IL17B: variants seen among roughly 807,000 people sequenced by gnomAD.
IL17B encodes interleukin-17B.
In IL17B, 14 loss-of-function variants were observed where a neutral mutation model predicts 14.7. The observed-to-expected ratio is 0.95, with a 90% CI of 0.63 to 1.49. IL17B has a LOEUF of 1.49. IL17B is among the 40% of genes most tolerant of loss of function. The pLI is 0.00. For synonymous variants in IL17B, 105 were observed against 94.8 expected (o/e 1.11, Z -0.62); for missense variants, 233 against 252.8 (o/e 0.92, Z 0.53).
intron 1 of IL17B, among the ~76,000 whole-genome samples, chr5:149,393,170 A>G (rs1237287117): frequency 6.6e-6 from 1 of 152,236 alleles, no homozygotes; most frequent in East Asian, 1.9e-4. Context: ...AATGTCACCC[A>G]GAAAGTCATC....
chr5:149,377,150 C>A, intron 1 of IL17B, 125 bp from the exon 2 acceptor site: 1 of 735,792 alleles, frequency 1.4e-6, no homozygotes, highest in Non-Finnish European at 2.2e-6. Flanking sequence ...ACTCTGCCTA[C>A]CATCCCCCAG....
At chr5:149,393,443 T>C (rs979404796) in intron 1 of IL17B, among the ~76,000 whole-genome samples, 11 of 152,328 alleles carry the variant, frequency 7.2e-5, no homozygotes, top group Admixed American at 7.2e-4. Context: ...TCTTCATCTC[T>C]AGAGCCCCAG....
intron 1 of IL17B, among the ~76,000 whole-genome samples, chr5:149,388,716 G>A (rs1758877565): frequency 6.6e-6 from 1 of 152,208 alleles, no homozygotes; most frequent in African/African-American, 2.4e-5. Context: ...AGCCTGTGCA[G>A]GCTAGCAGGG....
At chr5:149,393,020 TGTGTGTGGGC>T (rs1454414865) in intron 1 of IL17B, among the ~76,000 whole-genome samples, 7 of 151,302 alleles carry the variant, frequency 4.6e-5, no homozygotes, top group African/African-American at 1.7e-4. Context: ...CATGTCTGCG[TGTGTGTGGGC>T]GTGTGTGTGC....
At chr5:149,384,353 C>G (rs1758775798) in intron 1 of IL17B, among the ~76,000 whole-genome samples, 1 of 152,088 alleles carries the variant, frequency 6.6e-6, no homozygotes, top group South Asian at 2.1e-4. Flanking sequence ...TTATTGTTTG[C>G]CTGGCACATA....
rs141557627 is a variant in IL17B, at chr5:149,403,819, T to C, written n.95+289A>G. 8.3e-3 allele frequency among the ~76,000 whole-genome samples: 1,267 copies of C among 152,326 alleles called. 13 individuals carry two copies. Among genetic ancestry groups the C allele is most frequent in the African/African-American group, 0.029 (1,195 of 41,560 alleles). ...CAAGACAGCTTGTTAGCCCACTTCA[T>C]CCTTGGTTAGTTCCACTGGCTTAAA... On this transcript the variant is annotated intron_variant and non_coding_transcript_variant, in intron 1 of 2. Transcript: ENST00000505432.
At chr5:149,386,761 G>A (rs1022272065) in intron 1 of IL17B, among the ~76,000 whole-genome samples, 1 of 152,100 alleles carries the variant, frequency 6.6e-6, no homozygotes, top group Non-Finnish European at 1.5e-5. Context: ...TGGAGTGCAC[G>A]GTGGTGCAAT....
chr5:149,403,835 C>T (rs960636753), intron 1 of IL17B, among the ~76,000 whole-genome samples: 1 of 152,200 alleles, frequency 6.6e-6, no homozygotes, highest in Non-Finnish European at 1.5e-5. Flanking sequence ...GTTAGTTCCA[C>T]TGGCTTAAAA....
chr5:149,390,223 C>T (rs889788641), intron 1 of IL17B, among the ~76,000 whole-genome samples: 1 of 147,046 alleles, frequency 6.8e-6, no homozygotes, highest in Admixed American at 6.7e-5. Context: ...AGTGACCCCC[C>T]CCCTCCCTGT....
rs926877779 is a variant in IL17B at position 149,374,297 on chromosome 5, T to C, written c.*72A>G. Reference sequence around the variant, plus strand: ...TTCAAAAGTCAGTGTTTACTTTTCATAGGCCTTTCTTGGCACAAAGGTGCA... The same window carrying C: ...TTCAAAAGTCAGTGTTTACTTTTCACAGGCCTTTCTTGGCACAAAGGTGCA... On this transcript the variant is annotated 3_prime_UTR_variant, in exon 3 of 3. Coordinates refer to ENST00000261796, the MANE Select transcript of IL17B (RefSeq NM_014443.3). The surrounding 1 kb of genome is among the most constrained non-coding windows in gnomAD (Gnocchi z 5.0). 7.2e-6 allele frequency: 10 copies of C among 1,394,040 alleles called. No individual in the cohort carries two copies. The highest frequency in any genetic ancestry group is 9.6e-6 in the Non-Finnish European group (10 of 1,041,966). 86.4% of individuals were successfully genotyped at this position (1,394,040 alleles called of 1,614,324 possible). A position where few individuals can be genotyped will look rare whatever the true frequency, so the allele number is the denominator to read the frequency against.
At chr5:149,379,624 G>A (rs995476115), upstream of IL17B, among the ~76,000 whole-genome samples, 2 of 152,242 alleles carry the variant, frequency 1.3e-5, no homozygotes, top group South Asian at 4.1e-4. Flanking sequence ...GTTGAGGGTG[G>A]AGGAGGGATG....
intron 1 of IL17B, among the ~76,000 whole-genome samples, chr5:149,391,048 G>A (rs1191980148): frequency 6.6e-6 from 1 of 152,066 alleles, no homozygotes; most frequent in Non-Finnish European, 1.5e-5. Flanking sequence ...TCAGCTCACT[G>A]CAATCTCCAC....
At chr5:149,400,738 G>C (rs561787298) in intron 1 of IL17B, among the ~76,000 whole-genome samples, 32 of 152,356 alleles carry the variant, frequency 2.1e-4, no homozygotes, top group African/African-American at 7.0e-4. Flanking sequence ...CCACCTGCAA[G>C]CTGGAGGACC....
chr5:149,390,541 A>C, intron 1 of IL17B, among the ~76,000 whole-genome samples: 1 of 121,160 alleles, frequency 8.3e-6, no homozygotes, highest in African/African-American at 3.2e-5. Flanking sequence ...AACCCTCATC[A>C]TGTCCCAAGT....
intron 1 of IL17B, among the ~76,000 whole-genome samples, chr5:149,387,775 CAA>C (rs57775228): frequency 5.3e-3 from 430 of 81,312 alleles, no homozygotes; most frequent in African/African-American, 8.2e-3. Context: ...GCCCCTGTCT[CAA>C]AAAAAAAAAA....
intron 1 of IL17B, among the ~76,000 whole-genome samples, chr5:149,386,478 C>T (rs1758830853): frequency 6.6e-6 from 1 of 152,196 alleles, no homozygotes; most frequent in African/African-American, 2.4e-5. Flanking sequence ...CCTGGACTCC[C>T]TGCAGGAGCT....
At chr5:149,375,248 AAGC>A (rs757967506) in intron 2 of IL17B, 3 of 152,204 alleles carry the variant, frequency 2.0e-5, no homozygotes, top group Non-Finnish European at 4.4e-5. Context: ...TTGATGAACA[AAGC>A]AGACAAGTTC....
intron 1 of IL17B, among the ~76,000 whole-genome samples, chr5:149,402,528 G>A (rs1382577296): frequency 6.6e-6 from 1 of 151,958 alleles, no homozygotes; most frequent in Non-Finnish European, 1.5e-5. Flanking sequence ...TCCTGTCCTG[G>A]CCTATCTGTG....
chr5:149,393,596 T>G (rs967573161), intron 1 of IL17B, among the ~76,000 whole-genome samples: 1 of 152,230 alleles, frequency 6.6e-6, no homozygotes, highest in Non-Finnish European at 1.5e-5. Flanking sequence ...CTGTCTTCCT[T>G]ATAGTGTAAT....
Sources: gnomAD v4.1 joint callset for allele counts (sites outside exome capture counted in the v4.1 genomes callset) on GRCh38, gnomAD v4.1.1 for gene constraint, Gnocchi (gnomAD v3.1) non-coding constraint, MANE v1.5 for transcripts, NCBI Gene and HGNC (gene_info 2026-07-23, HGNC 2026-07-21) for gene names.